The following AKAP13 variants were observed in gnomAD, a reference collection of about 807,000 sequenced individuals.
The protein encoded by AKAP13 is A-kinase anchor protein 13.
A neutral mutation model predicts 264.5 loss-of-function variants in AKAP13; 80 were observed. That is an observed-to-expected ratio of 0.30 (90% CI 0.25 to 0.36). AKAP13 has a LOEUF of 0.36. AKAP13 is among the 10% of genes least tolerant of loss of function. The pLI is 1.00. For missense variants in AKAP13, 3,712 were observed against 3,435.2 expected, an observed-to-expected ratio of 1.08 and a Z score of -2.01; for synonymous variants, 1,380 against 1,250.2, an observed-to-expected ratio of 1.10 and a Z score of -2.19.
At chr15:85,382,763 G>T (rs184338466) in intron 1 of AKAP13, among the ~76,000 whole-genome samples, 2 of 152,274 alleles carry the variant, frequency 1.3e-5, no homozygotes, top group African/African-American at 4.8e-5. Context: ...ACCTTATTTA[G>T]CTTTTTACCC....
At chr15:85,406,259 G>T (rs779626610) in intron 1 of AKAP13, among the ~76,000 whole-genome samples, 1 of 152,162 alleles carries the variant, frequency 6.6e-6, no homozygotes, top group Non-Finnish European at 1.5e-5. Flanking sequence ...CATTGTGCCT[G>T]TAAGTGTGCT....
intron 5 of AKAP13, among the ~76,000 whole-genome samples, chr15:85,562,574 A>AATATATAT (rs1224541443): frequency 3.9e-5 from 3 of 77,668 alleles, no homozygotes; most frequent in Non-Finnish European, 9.1e-5. Context: ...CAAAAAAAAA[A>AATATATAT]ATATATATAT....
chr15:85,437,804 A>T (rs1596170325), intron 1 of AKAP13, among the ~76,000 whole-genome samples: 2 of 152,188 alleles, frequency 1.3e-5, no homozygotes, highest in East Asian at 3.8e-4. Context: ...TTAGGTATTG[A>T]TGGGATGTAT....
intron 11 of AKAP13, among the ~76,000 whole-genome samples, chr15:85,657,002 C>T (rs763506492): frequency 3.9e-5 from 6 of 151,946 alleles, no homozygotes; most frequent in Admixed American, 1.3e-4. Context: ...AGAAAACAGC[C>T]GCGCATGGTA....
At chr15:85,571,665 T>C (rs2078822328) in intron 5 of AKAP13, among the ~76,000 whole-genome samples, 1 of 152,252 alleles carries the variant, frequency 6.6e-6, no homozygotes. Flanking sequence ...GTTTTACTTA[T>C]TTATCTTGAT....
chr15:85,413,488 G>A (rs28368751), intron 1 of AKAP13, among the ~76,000 whole-genome samples: 15 of 152,322 alleles, frequency 9.8e-5, no homozygotes, highest in African/African-American at 3.6e-4. Flanking sequence ...CCCATTGGGA[G>A]ACAAGGAAGT....
rs902294137 is a variant in AKAP13, at chr15:85,560,477, C to T, written c.663-14654C>T. Among the ~76,000 whole-genome samples the T allele has an allele frequency of 3.9e-5, 6 of 152,230 alleles. No individual in the cohort carries two copies. In the Middle Eastern group the frequency reaches 0.017, roughly 431 times the overall value. On this transcript the variant is annotated intron_variant, in intron 5 of 36. Transcript: ENST00000394518. ...ATTTATTTTTAATAATTAAGTTGTA[C>T]ATAATAATATTCATGATGCACCTGC...
At chr15:85,473,985 C>G (rs2075059094) in intron 1 of AKAP13, among the ~76,000 whole-genome samples, 2 of 152,194 alleles carry the variant, frequency 1.3e-5, no homozygotes, top group South Asian at 4.1e-4. Context: ...ATCCTCACTT[C>G]TTACTTGAAC....
intron 3 of AKAP13, among the ~76,000 whole-genome samples, chr15:85,523,358 G>C (rs1457561460): frequency 2.0e-5 from 3 of 152,106 alleles, no homozygotes; most frequent in Non-Finnish European, 4.4e-5. Flanking sequence ...ATAACATGGG[G>C]TAAATTCTTT....
chr15:85,518,132 C>T (rs2076676558), intron 2 of AKAP13, among the ~76,000 whole-genome samples: 1 of 152,194 alleles, frequency 6.6e-6, no homozygotes, highest in Non-Finnish European at 1.5e-5. Context: ...TTCCCAGGCA[C>T]AGCAGAATAA....
At position 85,718,958 on chromosome 15, in the gene AKAP13, C is replaced by T. The variant is rs2087123229; in HGVS notation, c.6002-118C>T. 2.1e-6 allele frequency: 3 copies of T among 1,407,782 alleles called. No homozygotes were observed. The Admixed American group carries it at 6.6e-5, about 31-fold the overall frequency. The allele number at this position is 1,407,782 out of a possible 1,614,324, so 87.2% of individuals were successfully genotyped here. ...CTTTTAGGGGAAAGATAGCTGTTGA[C>T]CCAATTTTAAGGTTCAAATTGGGCT... On this transcript the variant is annotated intron_variant, in intron 22 of 36. Transcript: ENST00000394518. This position sits in a 1 kb window ranked among gnomAD's most constrained non-coding sequence, Gnocchi z 4.9.
At chr15:85,454,035 A>G (rs183136133) in intron 1 of AKAP13, among the ~76,000 whole-genome samples, 64 of 152,280 alleles carry the variant, frequency 4.2e-4, no homozygotes, top group African/African-American at 1.4e-3. Context: ...GCTCCTTCTT[A>G]GGGAGGTGCA....
intron 2 of AKAP13, among the ~76,000 whole-genome samples, chr15:85,500,993 T>G (rs1222182320): frequency 6.6e-6 from 1 of 152,218 alleles, no homozygotes; most frequent in Non-Finnish European, 1.5e-5. Context: ...GGTACATTCC[T>G]TTTTTGGTTC....
rs1192197065 is a variant in AKAP13 at position 85,724,724 on chromosome 15, G to A, written c.6745+1404G>A. On this transcript the variant is annotated intron_variant, in intron 26 of 36. Coordinates refer to ENST00000394518, the MANE Select transcript of AKAP13 (RefSeq NM_007200.5). The surrounding 1 kb of genome is among the most constrained non-coding windows in gnomAD (Gnocchi z 4.2). ...AGGTGGTTTTTCAGTATGACAACTA[G>A]GGGCAGTTTAGAGTGCAGCTGGAGT... is the stretch of plus-strand genomic sequence containing the variant. Among the ~76,000 whole-genome samples, 1 of 151,862 alleles carries A rather than the reference G, an allele frequency of 6.6e-6. No individual in the cohort carries two copies. The highest frequency in any genetic ancestry group is 2.4e-5 in the African/African-American group (1 of 41,346).
At position 85,741,196 on chromosome 15, in the gene AKAP13, C is replaced by A; in HGVS notation, c.7759C>A (p.Leu2587Met). ...GAAGCAGCGCCAGGACCTGGCCAAC[C>A]TGCAGAAGCAGCAGGCCCAGTACCT... ...LEKQRQDLAN[L>M]QKQQAQYLEE... The change falls in exon 35 of 37, where the codon CTG becomes ATG. Residue 2587 changes from leucine (L) to methionine (M), a missense_variant. Around this residue, in one of 3 missense-constraint regions of AKAP13, gnomAD observed 611 missense variants for 539.3 expected, o/e 1.13. Transcript: ENST00000394518. The A allele has an allele frequency of 6.2e-7, 1 of 1,611,162 alleles. No individual in the cohort carries two copies. The highest frequency in any genetic ancestry group is 8.5e-7 in the Non-Finnish European group (1 of 1,178,706).
Position 85,441,195 on chromosome 15 carries a change from A to G in AKAP13, c.-11-44515A>G, listed in dbSNP as rs759046477. ...TCCACACATTTTGCCAATACTTGGT[A>G]TTTTTAATCTTTTTTTTAATGGCCG... On this transcript the variant is annotated intron_variant, in intron 1 of 36. Transcript: ENST00000394518. Among the ~76,000 whole-genome samples the G allele has an allele frequency of 7.2e-4, 109 of 152,028 alleles. 1 individual carries two copies. The highest frequency in any genetic ancestry group is 1.2e-3 in the Non-Finnish European group (84 of 67,986).
At chr15:85,543,722 T>G in intron 4 of AKAP13, 50 bp from the exon 5 acceptor site, 1 of 1,541,448 alleles carries the variant, frequency 6.5e-7, no homozygotes, top group Non-Finnish European at 8.8e-7. Context: ...TTGTTTGTTT[T>G]TTGTTTTTAT....
intron 16 of AKAP13, among the ~76,000 whole-genome samples, chr15:85,686,350 T>C (rs2084928873): frequency 6.6e-6 from 1 of 152,226 alleles, no homozygotes; most frequent in Non-Finnish European, 1.5e-5. Context: ...ACTAAGCTTC[T>C]CAAGCCCTCA....
At chr15:85,525,259 C>T (rs1217090288) in intron 3 of AKAP13, among the ~76,000 whole-genome samples, 2 of 151,912 alleles carry the variant, frequency 1.3e-5, no homozygotes, top group African/African-American at 2.4e-5. Flanking sequence ...AGGGTTTCAC[C>T]GTGTTAGCCA....
Sources: allele counts gnomAD v4.1 joint callset (sites outside exome capture counted in the v4.1 genomes callset), GRCh38; gene constraint gnomAD v4.1.1; regional missense constraint gnomAD v4.1.1; non-coding constraint Gnocchi (gnomAD v3.1); transcripts MANE v1.5; gene names NCBI Gene and HGNC (gene_info 2026-07-23, HGNC 2026-07-21).